The following CSDC2 variants were observed in gnomAD, a reference collection of about 807,000 sequenced individuals.
CSDC2 encodes cold shock domain-containing protein C2.
CSDC2 carries 8 observed loss-of-function variants against 15.8 expected under a neutral mutation model. The ratio of observed to expected loss-of-function variants is 0.51; its 90% CI spans 0.30 to 0.92. CSDC2 has a LOEUF of 0.92. Ranked by LOEUF, CSDC2 falls within the 40% of genes least tolerant of loss-of-function variation. The probability of loss-of-function intolerance (pLI) is 0.07; values close to 1 mark genes in which losing one functional copy is unlikely to be tolerated. For missense variants in CSDC2, 195 were observed against 213.3 expected, an observed-to-expected ratio of 0.91 and a Z score of 0.53; for synonymous variants, 96 against 92.3, an observed-to-expected ratio of 1.04 and a Z score of -0.23.
chr22:41,574,214 G>A (rs562324116), intron 3 of CSDC2, among the ~76,000 whole-genome samples: 15 of 152,308 alleles, frequency 9.8e-5, no homozygotes, highest in Admixed American at 3.9e-4. Context: ...TTCACATCTC[G>A]GTCCCCAAGG....
chr22:41,565,302 T>G (rs1350638379), intron 1 of CSDC2, among the ~76,000 whole-genome samples: 1 of 149,614 alleles, frequency 6.7e-6, no homozygotes, highest in Non-Finnish European at 1.5e-5. Context: ...ATACAAAAAT[T>G]AATCGGGTGT....
Position 41,572,019 on chromosome 22 carries a change from G to C in CSDC2, c.54G>C (p.Lys18Asn). Residue 18 changes from lysine to asparagine, a missense_variant, in exon 2 of 4, where the codon AAG becomes AAC. Lys to Asn is a moderately conservative substitution (Grantham distance 94). Coordinates refer to ENST00000306149, the MANE Select transcript of CSDC2 (RefSeq NM_014460.4). ...TTGTGCCCCCGCTCCACTCCCCCAA[G>C]TCCCCAGTCTGGCCCACCTTCCCCT... is the stretch of plus-strand genomic sequence containing the variant. ...PPVVPPLHSP[K>N]SPVWPTFPFH... 2.9e-6 allele frequency: 4 copies of C among 1,357,154 alleles called. No homozygotes were observed. The highest frequency in any genetic ancestry group is 3.8e-6 in the Non-Finnish European group (4 of 1,052,406). 84.1% of individuals were successfully genotyped at this position (1,357,154 alleles called of 1,614,324 possible).
At chr22:41,565,587 C>T (rs1359901211) in intron 1 of CSDC2, among the ~76,000 whole-genome samples, 2 of 152,112 alleles carry the variant, frequency 1.3e-5, no homozygotes, top group African/African-American at 4.8e-5. Context: ...AAGTGATACC[C>T]TGTCTCAAAA....
intron 1 of CSDC2, among the ~76,000 whole-genome samples, chr22:41,570,436 T>C (rs556625385): frequency 5.3e-5 from 8 of 152,294 alleles, no homozygotes; most frequent in Non-Finnish European, 1.2e-4. Flanking sequence ...AGGCCTGCCA[T>C]GCAGGGTGTT....
At chr22:41,572,803 C>T (rs1301859265) in intron 2 of CSDC2, among the ~76,000 whole-genome samples, 1 of 152,216 alleles carries the variant, frequency 6.6e-6, no homozygotes, top group Admixed American at 6.5e-5. Flanking sequence ...GGGACAAAGA[C>T]TAGGCCTGGG....
At chr22:41,566,466 A>C (rs567380043) in intron 1 of CSDC2, among the ~76,000 whole-genome samples, 29,531 of 133,722 alleles carry the variant, frequency 0.22, 4,239 homozygotes, top group Admixed American at 0.4. Flanking sequence ...AAAAAAAAAA[A>C]ACACACAAAA....
At chr22:41,563,203 G>A (rs2067096944) in intron 1 of CSDC2, among the ~76,000 whole-genome samples, 1 of 152,148 alleles carries the variant, frequency 6.6e-6, no homozygotes, top group Non-Finnish European at 1.5e-5. Flanking sequence ...GTGGGGGAAG[G>A]ACCAGGTTTA....
At position 41,574,653 on chromosome 22, in the gene CSDC2, C is replaced by T. The variant is rs1308473101; in HGVS notation, c.300-80C>T. On this transcript the variant is annotated intron_variant, in intron 3 of 3. Transcript: ENST00000306149. ...TGGCCTAGGGAGGCTTAGGGCCAGG[C>T]TGCCCCCAAGGCCAGGCCACAGGAT... 5 of 1,528,558 alleles carry T rather than the reference C, an allele frequency of 3.3e-6. No individual in the cohort carries two copies. The African/African-American group carries it at 5.5e-5, about 17-fold the overall frequency. 94.7% of individuals were successfully genotyped at this position (1,528,558 alleles called of 1,614,324 possible).
chr22:41,566,926 CAAA>C (rs573857754), intron 1 of CSDC2, among the ~76,000 whole-genome samples: 11 of 65,056 alleles, frequency 1.7e-4, no homozygotes, highest in Admixed American at 5.3e-4. Context: ...TCCTCCGTCT[CAAA>C]AAAAAAAAAA....
intron 1 of CSDC2, among the ~76,000 whole-genome samples, chr22:41,567,625 G>A (rs1192037328): frequency 1.3e-5 from 2 of 152,336 alleles, no homozygotes; most frequent in East Asian, 1.9e-4. Flanking sequence ...AGGGCCCAGA[G>A]AGGGAAAGGC....
chr22:41,565,889 C>T (rs1445654710), intron 1 of CSDC2, among the ~76,000 whole-genome samples: 5 of 152,134 alleles, frequency 3.3e-5, no homozygotes, highest in African/African-American at 4.8e-5. Flanking sequence ...AACTCAGGGC[C>T]GGGGGACAGG....
At chr22:41,572,933 T>C (rs544771918) in intron 2 of CSDC2, among the ~76,000 whole-genome samples, 7 of 152,174 alleles carry the variant, frequency 4.6e-5, no homozygotes, top group Non-Finnish European at 7.4e-5. Flanking sequence ...TGGAGTGCAG[T>C]GGTGCAGTCA....
intron 1 of CSDC2, among the ~76,000 whole-genome samples, chr22:41,561,782 C>T (rs1462672795): frequency 1.3e-5 from 2 of 152,220 alleles, no homozygotes; most frequent in Non-Finnish European, 2.9e-5. Context: ...GCCCTTGCTT[C>T]TTGCCTGCCT....
chr22:41,563,826 C>T (rs1028540463), intron 1 of CSDC2, among the ~76,000 whole-genome samples: 20 of 151,692 alleles, frequency 1.3e-4, no homozygotes, highest in Admixed American at 5.9e-4. Context: ...AATCCCAGCA[C>T]TTTGGGAGGC....
rs543704347 is a variant in CSDC2 at position 41,572,017 on chromosome 22, A to G, written c.52A>G (p.Lys18Glu). The change falls in exon 2 of 4, where the codon AAG becomes GAG. Residue 18 changes from lysine to glutamate, a missense_variant. Transcript: ENST00000306149. ...PPVVPPLHSP[K>E]SPVWPTFPFH... ...AGTTGTGCCCCCGCTCCACTCCCCCAAGTCCCCAGTCTGGCCCACCTTCCC... is the reference window on the plus strand; with the variant it reads ...AGTTGTGCCCCCGCTCCACTCCCCCGAGTCCCCAGTCTGGCCCACCTTCCC... 3 of 1,306,022 alleles carry G rather than the reference A, an allele frequency of 2.3e-6. No homozygotes were observed. The Admixed American group carries it at 1.3e-4, about 56-fold the overall frequency. 80.9% of individuals were successfully genotyped at this position (1,306,022 alleles called of 1,614,324 possible). A position where few individuals can be genotyped will look rare whatever the true frequency, so the allele number is the denominator to read the frequency against.
intron 1 of CSDC2, among the ~76,000 whole-genome samples, chr22:41,562,406 C>CA (rs10642302): frequency 0.35 from 46,609 of 131,878 alleles, 9,157 homozygotes; most frequent in Non-Finnish European, 0.45. Flanking sequence ...TCACCCCCTT[C>CA]AAAAAAAAAA....
rs1397210067 is a variant in CSDC2, at chr22:41,561,062, ACACACACACACACACACAC to A, written c.-244_-226del. On this transcript the variant is annotated 5_prime_UTR_variant, in exon 1 of 4. Transcript: ENST00000306149. ...CACACACAGACACACACACACACAC[ACACACACACACACACACAC>A]ATCTTCCAGACCCATCCCCTGCCTG... is the stretch of plus-strand genomic sequence containing the variant. The A allele has an allele frequency of 9.0e-5, 11 of 122,546 alleles. No individual in the cohort carries two copies. The highest frequency in any genetic ancestry group is 4.0e-3 in the Middle Eastern group (1 of 250). The allele number at this position is 122,546 out of a possible 1,614,324, so 7.6% of individuals were successfully genotyped here.
At chr22:41,572,438 GTCCA>G (rs1162223413) in intron 2 of CSDC2, among the ~76,000 whole-genome samples, 74 of 44,462 alleles carry the variant, frequency 1.7e-3, no homozygotes, top group African/African-American at 5.6e-3. Context: ...CCATCCACCT[GTCCA>G]TCCATCCATC....
chr22:41,568,041 G>A (rs1034195959), intron 1 of CSDC2, among the ~76,000 whole-genome samples: 3 of 151,664 alleles, frequency 2.0e-5, no homozygotes, highest in Admixed American at 1.3e-4. Flanking sequence ...AGCGCCCAGC[G>A]CCTACTCAGT....
Sources: allele counts gnomAD v4.1 joint callset (sites outside exome capture counted in the v4.1 genomes callset), GRCh38; gene constraint gnomAD v4.1.1; transcripts MANE v1.5; gene names NCBI Gene and HGNC (gene_info 2026-07-23, HGNC 2026-07-21).